The following SULF1 variants were observed in gnomAD, a reference collection of about 807,000 sequenced individuals.
The protein encoded by SULF1 is extracellular sulfatase Sulf-1.
Under a neutral mutation model 110.5 loss-of-function variants are expected in SULF1, and 46 were observed. The ratio of observed to expected loss-of-function variants is 0.42; its 90% CI spans 0.33 to 0.53. SULF1 has a LOEUF of 0.53. Ranked by LOEUF, SULF1 falls within the 20% of genes least tolerant of loss-of-function variation. SULF1 has a pLI of 0.12. For synonymous variants in SULF1, 371 were observed against 387.1 expected, an observed-to-expected ratio of 0.96 and a Z score of 0.49; for missense variants, 941 against 1,094.2, an observed-to-expected ratio of 0.86 and a Z score of 1.98.
intron 13 of SULF1, among the ~76,000 whole-genome samples, chr8:69,614,048 A>G (rs1025688766): frequency 6.6e-6 from 1 of 152,186 alleles, no homozygotes; most frequent in Non-Finnish European, 1.5e-5. Flanking sequence ...TCAAATACAC[A>G]TTAGATCACA....
chr8:69,532,067 G>A (rs547837394), intron 3 of SULF1, among the ~76,000 whole-genome samples: 38 of 152,286 alleles, frequency 2.5e-4, no homozygotes, highest in Middle Eastern at 3.4e-3. Context: ...TGAGGGGTTA[G>A]GAAGCAAGAG....
chr8:69,628,079 C>T lies in SULF1; in HGVS notation c.2043-92C>T, dbSNP rs1586586801. On this transcript the variant is annotated intron_variant, in intron 17 of 22. Transcript: ENST00000402687. Reference sequence around the variant, plus strand: ...AAAATACTTACAACATCACTGCCTTCCTTCTTTCTATTTTGCTTTCTTTTT... The same window carrying T: ...AAAATACTTACAACATCACTGCCTTTCTTCTTTCTATTTTGCTTTCTTTTT... The T allele has an allele frequency of 9.9e-6, 11 of 1,109,224 alleles. No homozygotes were observed. In the East Asian group the frequency reaches 2.1e-4, roughly 21 times the overall value. 68.7% of individuals were successfully genotyped at this position (1,109,224 alleles called of 1,614,324 possible).
intron 3 of SULF1, among the ~76,000 whole-genome samples, chr8:69,538,016 A>G (rs1813547909): frequency 6.7e-6 from 1 of 149,316 alleles, no homozygotes; most frequent in South Asian, 2.1e-4. Flanking sequence ...GCTGTCGTGC[A>G]GTGGCGCCAT....
intron 15 of SULF1, among the ~76,000 whole-genome samples, chr8:69,625,794 C>G (rs184561812): frequency 1.9e-3 from 292 of 152,324 alleles, no homozygotes; most frequent in African/African-American, 6.9e-3. Flanking sequence ...GGGACCCAGG[C>G]AGATTGCCAC....
intron 3 of SULF1, among the ~76,000 whole-genome samples, chr8:69,511,924 C>T (rs7846166): frequency 0.52 from 79,524 of 151,958 alleles, 21,490 homozygotes; most frequent in South Asian, 0.65. Context: ...TTAAACACTG[C>T]ACAGAATAGC....
chr8:69,533,334 C>T (rs1202559621), intron 3 of SULF1, among the ~76,000 whole-genome samples: 2 of 152,170 alleles, frequency 1.3e-5, no homozygotes, highest in African/African-American at 2.4e-5. Context: ...TTTACTGCAC[C>T]TATCCTCAAT....
intron 15 of SULF1, among the ~76,000 whole-genome samples, chr8:69,625,729 C>A (rs1487578263): frequency 6.6e-6 from 1 of 152,156 alleles, no homozygotes; most frequent in Non-Finnish European, 1.5e-5. Flanking sequence ...AAAGAGTGAG[C>A]AGTAGCAAGA....
At chr8:69,574,238 C>A (rs1017940555) in intron 5 of SULF1, among the ~76,000 whole-genome samples, 6 of 152,178 alleles carry the variant, frequency 3.9e-5, no homozygotes, top group Non-Finnish European at 7.4e-5. Flanking sequence ...CTCTGCCCAG[C>A]CTTCAAGCTA....
chr8:69,560,549 A>T (rs1264888092), intron 3 of SULF1, among the ~76,000 whole-genome samples: 1 of 152,200 alleles, frequency 6.6e-6, no homozygotes, highest in African/African-American at 2.4e-5. Flanking sequence ...TGTTCTTCAA[A>T]CTCACTCTGT....
chr8:69,470,315 A>T (rs1202322795), intron 1 of SULF1, among the ~76,000 whole-genome samples: 1 of 152,200 alleles, frequency 6.6e-6, no homozygotes, highest in Non-Finnish European at 1.5e-5. Flanking sequence ...GTCTATGATC[A>T]TGTGGTAAAT....
chr8:69,519,396 T>C lies in SULF1; in HGVS notation c.-134+17428T>C, dbSNP rs542613333. On this transcript the variant is annotated intron_variant, in intron 3 of 22. Coordinates refer to ENST00000402687, the MANE Select transcript of SULF1 (RefSeq NM_001128205.2). ...TTATGGTATCTATATTTAAGTAATT[T>C]ACATGAATATCTAAGTGCTTCTGTA... 2.1e-3 allele frequency among the ~76,000 whole-genome samples: 321 copies of C among 152,326 alleles called. 1 individual carries two copies. The highest frequency in any genetic ancestry group is 3.4e-3 in the Middle Eastern group (1 of 294).
chr8:69,648,122 GA>G (rs1485566295), intron 22 of SULF1, among the ~76,000 whole-genome samples: 3 of 145,628 alleles, frequency 2.1e-5, no homozygotes, highest in Non-Finnish European at 4.5e-5. Flanking sequence ...CCAAATATTG[GA>G]AACCCTGTGC....
At chr8:69,581,766 G>T (rs1355308820) in intron 6 of SULF1, among the ~76,000 whole-genome samples, 1 of 152,116 alleles carries the variant, frequency 6.6e-6, no homozygotes, top group South Asian at 2.1e-4. Context: ...GCAGAGCGCC[G>T]CCAGGAAACA....
At chr8:69,521,988 A>G (rs1180763746) in intron 3 of SULF1, among the ~76,000 whole-genome samples, 2 of 152,148 alleles carry the variant, frequency 1.3e-5, no homozygotes, top group East Asian at 3.9e-4. Context: ...TCAACTAGAT[A>G]TTAAAAAGAG....
intron 5 of SULF1, among the ~76,000 whole-genome samples, chr8:69,575,531 G>A (rs535713332): frequency 1.4e-4 from 21 of 151,496 alleles, no homozygotes; most frequent in Non-Finnish European, 2.8e-4. Context: ...TCTTTCATAC[G>A]ATTAAAATGC....
At chr8:69,604,024 T>C (rs1042020733) in intron 12 of SULF1, among the ~76,000 whole-genome samples, 8 of 152,318 alleles carry the variant, frequency 5.3e-5, no homozygotes, top group Middle Eastern at 3.4e-3. Context: ...ATGATGAATA[T>C]CCCAATTATC....
chr8:69,644,771 A>C (rs2130704845), intron 22 of SULF1, among the ~76,000 whole-genome samples: 1 of 151,964 alleles, frequency 6.6e-6, no homozygotes, highest in African/African-American at 2.4e-5. Flanking sequence ...AAAAAAAAAA[A>C]AAAAAAAAAG....
chr8:69,505,430 T>A (rs1386417957), intron 3 of SULF1, among the ~76,000 whole-genome samples: 1 of 152,178 alleles, frequency 6.6e-6, no homozygotes, highest in Non-Finnish European at 1.5e-5. Flanking sequence ...ACTATGTTGT[T>A]TTTGAGAAAA....
chr8:69,482,759 A>G (rs919048097), intron 1 of SULF1, among the ~76,000 whole-genome samples: 1 of 152,172 alleles, frequency 6.6e-6, no homozygotes, highest in Admixed American at 6.5e-5. Context: ...AAAATTAATT[A>G]AGGAAAATTA....
Sources: gnomAD v4.1 joint callset for allele counts (sites outside exome capture counted in the v4.1 genomes callset) on GRCh38, gnomAD v4.1.1 for gene constraint, MANE v1.5 for transcripts, NCBI Gene and HGNC (gene_info 2026-07-23, HGNC 2026-07-21) for gene names.